Variants in KDM5A observed in about 807,000 individuals in gnomAD.
The protein encoded by KDM5A is lysine demethylase 5A, also known as lysine-specific demethylase 5A.
Under a neutral mutation model 193.5 loss-of-function variants are expected in KDM5A, and 42 were observed. That is an observed-to-expected ratio of 0.22 (90% CI 0.17 to 0.28). The LOEUF (loss-of-function observed/expected upper bound fraction) is 0.28, where lower values mean the gene tolerates loss of function less well. Ranked by LOEUF, KDM5A falls within the 10% of genes least tolerant of loss-of-function variation. The pLI is 1.00. For missense variants in KDM5A, 1,692 were observed against 2,055.1 expected, an observed-to-expected ratio of 0.82 and a Z score of 3.42; for synonymous variants, 796 against 718.1, an observed-to-expected ratio of 1.11 and a Z score of -1.73.
At chr12:384,179 C>T (rs1325778455) in intron 2 of KDM5A, 26 bp from the exon 3 acceptor site, 3 of 1,541,254 alleles carry the variant, frequency 1.9e-6, no homozygotes, top group Admixed American at 3.3e-5. Flanking sequence ...TACAGAAGAA[C>T]TAAGTTATGA....
intron 27 of KDM5A, among the ~76,000 whole-genome samples, chr12:286,374 A>G (rs1160745333): frequency 6.6e-6 from 1 of 152,230 alleles, no homozygotes; most frequent in Non-Finnish European, 1.5e-5. Context: ...TACTGTGATT[A>G]CAGGAGGCTA....
At chr12:318,509 T>C (rs1565532195) in intron 18 of KDM5A, 48 bp from the exon 19 acceptor site, 3 of 1,388,834 alleles carry the variant, frequency 2.2e-6, no homozygotes, top group Middle Eastern at 1.9e-4. Flanking sequence ...ATTTAAAACA[T>C]ACAAAAGAGT....
rs1033809593 is a variant in KDM5A at position 280,616 on chromosome 12, A to T, written c.*4840T>A. 10 of 232,958 alleles carry T rather than the reference A, an allele frequency of 4.3e-5. No individual in the cohort carries two copies. Among genetic ancestry groups the T allele is most frequent in the Non-Finnish European group, 7.6e-5 (9 of 117,942 alleles). The allele number at this position is 232,958 out of a possible 1,614,324, so 14.4% of individuals were successfully genotyped here. A position where few individuals can be genotyped will look rare whatever the true frequency, so the allele number is the denominator to read the frequency against. On this transcript the variant is annotated 3_prime_UTR_variant, in exon 28 of 28. Transcript: ENST00000399788. ...GCTGGGATCCTTGGCAATGGGGAAAAGGTGCCATTTGCTTCTCTGAAGTAA... is the reference window on the plus strand; with the variant it reads ...GCTGGGATCCTTGGCAATGGGGAAATGGTGCCATTTGCTTCTCTGAAGTAA...
rs1388333431 is a variant in KDM5A at position 331,905 on chromosome 12, C to T, written c.1687G>A (p.Val563Ile). The change falls in exon 13 of 28, where the codon GTT becomes ATT. Residue 563 changes from valine (V) to isoleucine (I), a missense_variant. Transcript: ENST00000399788. ...TGATAGGCACGAGGAAATGTCACAA[C>T]AAACTCGCCAGCACACTGATTGGTC... ...YRTNQCAGEF[V>I]VTFPRAYHSG... 5.6e-6 allele frequency: 9 copies of T among 1,613,960 alleles called. No homozygotes were observed. In the African/African-American group the frequency reaches 9.3e-5, roughly 17 times the overall value.
Position 389,288 on chromosome 12 carries a change from G to T in KDM5A, c.-197C>A. On this transcript the variant is annotated 5_prime_UTR_variant, in exon 1 of 28. Transcript: ENST00000399788. ...TTTCTTGCAAGGCTTTTCCACTGAG[G>T]TTCAGGACTTTTCCGGAAGTTACCG... The T allele has an allele frequency of 7.1e-6, 5 of 705,648 alleles. No individual in the cohort carries two copies. The Admixed American group carries it at 8.2e-5, about 12-fold the overall frequency. The allele number at this position is 705,648 out of a possible 1,614,324, so 43.7% of individuals were successfully genotyped here. A position where few individuals can be genotyped will look rare whatever the true frequency, so the allele number is the denominator to read the frequency against.
chr12:280,172 A>G lies in KDM5A; in HGVS notation c.*5284T>C, dbSNP rs960607053. The G allele has an allele frequency of 4.3e-6, 1 of 232,312 alleles. No homozygotes were observed. The highest frequency in any genetic ancestry group is 2.2e-5 in the African/African-American group (1 of 45,306). 14.4% of individuals were successfully genotyped at this position (232,312 alleles called of 1,614,324 possible). On this transcript the variant is annotated 3_prime_UTR_variant, in exon 28 of 28. Transcript: ENST00000399788. ...AAAATCACTCTAGTTTATTCACATA[A>G]TATAGTATTTGATTCCATTCTTTTG... is the stretch of plus-strand genomic sequence containing the variant.
intron 2 of KDM5A, 33 bp from the exon 3 acceptor site, chr12:384,186 A>G (rs753454507): frequency 2.0e-6 from 3 of 1,492,280 alleles, no homozygotes; most frequent in East Asian, 2.3e-5. Flanking sequence ...GAACTAAGTT[A>G]TGATTGAAAT....
At chr12:325,888 C>T (rs1427792632) in intron 14 of KDM5A, among the ~76,000 whole-genome samples, 1 of 152,134 alleles carries the variant, frequency 6.6e-6, no homozygotes, top group African/African-American at 2.4e-5. Context: ...GTGGTGAACG[C>T]CTGTAATCCC....
At chr12:368,878 G>GA (rs1458257041) in intron 3 of KDM5A, among the ~76,000 whole-genome samples, 1 of 152,124 alleles carries the variant, frequency 6.6e-6, no homozygotes, top group Non-Finnish European at 1.5e-5. Context: ...AATAAAATAT[G>GA]AAAAGCACCA....
rs1565556975 is a variant in KDM5A at position 389,159 on chromosome 12, T to TA, written c.-69dup. 6.8e-7 allele frequency: 1 copy of TA among 1,462,690 alleles called. No individual in the cohort carries two copies. The highest frequency in any genetic ancestry group is 1.1e-5 in the South Asian group (1 of 88,276). The allele number at this position is 1,462,690 out of a possible 1,614,324, so 90.6% of individuals were successfully genotyped here. A position where few individuals can be genotyped will look rare whatever the true frequency, so the allele number is the denominator to read the frequency against. On this transcript the variant is annotated 5_prime_UTR_variant, in exon 1 of 28. Coordinates refer to ENST00000399788, the MANE Select transcript of KDM5A (RefSeq NM_001042603.3). ...TGGAGAAAAGCTGGCTGAAGCCCAC[T>TA]AAGCCCGTTCAAGTCCCCTGACAGA...
intron 18 of KDM5A, among the ~76,000 whole-genome samples, chr12:319,430 G>A (rs1455528041): frequency 6.6e-6 from 1 of 152,186 alleles, no homozygotes; most frequent in Non-Finnish European, 1.5e-5. Flanking sequence ...GGGTATAAGG[G>A]AAATAAAGAA....
rs185921851 is a variant in KDM5A, at chr12:310,728, T to C, written c.3216+157A>G. On this transcript the variant is annotated intron_variant, in intron 21 of 27. Transcript: ENST00000399788. ...GGGACAGCACAAGATTAACTGGAAA[T>C]GAATCTGCCCAAGGTTCCAGATTTC... Among the ~76,000 whole-genome samples, 6 of 152,276 alleles carry C rather than the reference T, an allele frequency of 3.9e-5. No individual in the cohort carries two copies. In the East Asian group the frequency reaches 1.2e-3, roughly 29 times the overall value.
chr12:320,749 T>C (rs1162863611), intron 18 of KDM5A, among the ~76,000 whole-genome samples: 1 of 152,208 alleles, frequency 6.6e-6, no homozygotes, highest in African/African-American at 2.4e-5. Flanking sequence ...ATGGGGGTTC[T>C]GAACTAAAAT....
intron 10 of KDM5A, among the ~76,000 whole-genome samples, chr12:337,822 C>A (rs1391260271): frequency 6.6e-6 from 1 of 151,820 alleles, no homozygotes; most frequent in Admixed American, 6.6e-5. Context: ...TTTGTGTTCT[C>A]AGTAGAGATG....
intron 3 of KDM5A, among the ~76,000 whole-genome samples, chr12:367,507 C>T (rs186039135): frequency 7.9e-5 from 12 of 152,070 alleles, no homozygotes; most frequent in Admixed American, 2.6e-4. Flanking sequence ...GAGCAGCCTG[C>T]GCAACATAGT....
chr12:290,488 T>G (rs566020885), intron 27 of KDM5A, among the ~76,000 whole-genome samples: 1 of 151,962 alleles, frequency 6.6e-6, no homozygotes, highest in Non-Finnish European at 1.5e-5. Context: ...CTCCTTTTGC[T>G]CCATCAAAAT....
At chr12:312,162 T>TA (rs1207990907) in intron 20 of KDM5A, among the ~76,000 whole-genome samples, 2 of 152,210 alleles carry the variant, frequency 1.3e-5, no homozygotes, top group African/African-American at 4.8e-5. Context: ...AAGTGCTGCT[T>TA]AACGGTTTTT....
In KDM5A at chr12:323,588, A is replaced by G. The variant is rs1436718880; in HGVS notation, c.2150+12T>C. ...AAAGGTAATGGAAGTTTTACAAAAT[A>G]CTTTTGGATACCTAAGACATTTCTT... On this transcript the variant is annotated intron_variant, in intron 15 of 27. Transcript: ENST00000399788. 3 of 1,612,486 alleles carry G rather than the reference A, an allele frequency of 1.9e-6. No homozygotes were observed. In the African/African-American group the frequency reaches 4.0e-5, roughly 22 times the overall value.
intron 13 of KDM5A, 82 bp from the exon 14 acceptor site, chr12:329,111 C>G: frequency 8.9e-7 from 1 of 1,124,006 alleles, no homozygotes; most frequent in Non-Finnish European, 1.3e-6. Context: ...CAGGTCCTCC[C>G]TTTTATTAGA....
Sources: gnomAD v4.1 joint callset for allele counts (sites outside exome capture counted in the v4.1 genomes callset) on GRCh38, gnomAD v4.1.1 for gene constraint, MANE v1.5 for transcripts, NCBI Gene and HGNC (gene_info 2026-07-23, HGNC 2026-07-21) for gene names.